Variants in NOPCHAP1 observed in about 807,000 individuals in gnomAD.
NOPCHAP1 encodes DNA damage-sensitive RNA 1.
A neutral mutation model predicts 14.0 loss-of-function variants in NOPCHAP1; 13 were observed. That is an observed-to-expected ratio of 0.93 (90% confidence interval 0.60 to 1.47). NOPCHAP1 has a LOEUF of 1.47. NOPCHAP1 is among the 40% of genes most tolerant of loss of function. The probability of loss-of-function intolerance (pLI) is 0.00; values close to 1 mark genes in which losing one functional copy is unlikely to be tolerated. For missense variants in NOPCHAP1, 230 were observed against 226.9 expected (o/e 1.01, Z -0.09); for synonymous variants, 78 against 78.4 (o/e 1.00, Z 0.03).
rs1300007553 is a variant in NOPCHAP1, at chr12:105,013,029, T to C, written c.*18333T>C. ...TTGAGCACTGTGCTGGGAGATCTGCTCTCTTCAGAGCTGGCAGGCAGGAAT... is the reference window on the plus strand; with the variant it reads ...TTGAGCACTGTGCTGGGAGATCTGCCCTCTTCAGAGCTGGCAGGCAGGAAT... On this transcript the variant is annotated 3_prime_UTR_variant, in exon 4 of 4. Transcript: ENST00000552951. 2 of 151,044 alleles carry C rather than the reference T, an allele frequency of 1.3e-5. No homozygotes were observed. The highest frequency in any genetic ancestry group is 2.9e-5 in the Non-Finnish European group (2 of 67,944). The allele number at this position is 151,044 out of a possible 1,614,324, so 9.4% of individuals were successfully genotyped here.
At position 105,015,114 on chromosome 12, in the gene NOPCHAP1, C is replaced by A. The variant is rs899793304; in HGVS notation, c.*20418C>A. ...TGATCTTTCTTATTGGAAATTGGAA[C>A]CAGCTCTCCTTGACTGTGACTCACT... On this transcript the variant is annotated 3_prime_UTR_variant, in exon 4 of 4. Coordinates refer to ENST00000552951, the MANE Select transcript of NOPCHAP1 (RefSeq NM_152318.3). 1 of 152,290 alleles carries A rather than the reference C, an allele frequency of 6.6e-6. No homozygotes were observed. The highest frequency in any genetic ancestry group is 2.1e-4 in the South Asian group (1 of 4,826). 9.4% of individuals were successfully genotyped at this position (152,290 alleles called of 1,614,324 possible).
chr12:104,988,989 C>T (rs182758079), intron 2 of NOPCHAP1, among the ~76,000 whole-genome samples: 43 of 150,908 alleles, frequency 2.8e-4, no homozygotes, highest in African/African-American at 7.1e-4. Context: ...AGTGGAATTG[C>T]GGGTATATAG....
intron 2 of NOPCHAP1, among the ~76,000 whole-genome samples, chr12:104,991,506 CAT>C (rs1349251364): frequency 3.3e-5 from 5 of 152,146 alleles, no homozygotes; most frequent in Non-Finnish European, 5.9e-5. Flanking sequence ...ATATGAGAAA[CAT>C]AAAACATTTG....
At position 104,996,700 on chromosome 12, in the gene NOPCHAP1, G is replaced by C. The variant is rs936045043; in HGVS notation, c.*2004G>C. On this transcript the variant is annotated 3_prime_UTR_variant, in exon 4 of 4. Coordinates refer to ENST00000552951, the MANE Select transcript of NOPCHAP1 (RefSeq NM_152318.3). ...CTTGATGATCTGCCTAATACTGTCAGTGGGGTGTTAAAGTCTCCCACTATT... is the reference window on the plus strand; with the variant it reads ...CTTGATGATCTGCCTAATACTGTCACTGGGGTGTTAAAGTCTCCCACTATT... The C allele has an allele frequency of 2.6e-5, 4 of 152,194 alleles. No individual in the cohort carries two copies. Among genetic ancestry groups the C allele is most frequent in the African/African-American group, 9.7e-5 (4 of 41,440 alleles). 9.4% of individuals were successfully genotyped at this position (152,194 alleles called of 1,614,324 possible).
intron 1 of NOPCHAP1, among the ~76,000 whole-genome samples, chr12:104,987,414 C>G (rs940103784): frequency 3.3e-5 from 5 of 152,208 alleles, no homozygotes; most frequent in Admixed American, 2.6e-4. Flanking sequence ...TTCAAGTAGT[C>G]TGGCTCCAGA....
rs768964807 is a variant in NOPCHAP1 at position 105,005,224 on chromosome 12, G to T, written c.*10528G>T. On this transcript the variant is annotated 3_prime_UTR_variant, in exon 4 of 4. Coordinates refer to ENST00000552951, the MANE Select transcript of NOPCHAP1 (RefSeq NM_152318.3). ...TGTTTGACAAAGAATTGGATAAAAC[G>T]TGCAAATCAATGAAAGGATGAAGCA... The T allele has an allele frequency of 6.6e-6, 1 of 152,202 alleles. No homozygotes were observed. The highest frequency in any genetic ancestry group is 6.5e-5 in the Admixed American group (1 of 15,278). The allele number at this position is 152,202 out of a possible 1,614,324, so 9.4% of individuals were successfully genotyped here. A position where few individuals can be genotyped will look rare whatever the true frequency, so the allele number is the denominator to read the frequency against.
Position 104,998,223 on chromosome 12 carries a change from C to A in NOPCHAP1, c.*3527C>A. The A allele has an allele frequency of 6.6e-6, 1 of 152,524 alleles. No homozygotes were observed. Among genetic ancestry groups the A allele is most frequent in the South Asian group, 2.0e-4 (1 of 4,946 alleles). The allele number at this position is 152,524 out of a possible 1,614,324, so 9.4% of individuals were successfully genotyped here. ...CAGCCATCTCAGCCTGGTTAAGAAC[C>A]ATTGCTGGGGAACTAGTGTAGTTTT... On this transcript the variant is annotated 3_prime_UTR_variant, in exon 4 of 4. Transcript: ENST00000552951.
chr12:104,986,518 C>A, intron 1 of NOPCHAP1, 51 bp downstream of exon 1: 3 of 1,468,974 alleles, frequency 2.0e-6, no homozygotes, highest in South Asian at 2.5e-5. Flanking sequence ...GCAGAGGAGG[C>A]GCGGCCGGTG....
chr12:104,986,677 C>T (rs559440419), intron 1 of NOPCHAP1, among the ~76,000 whole-genome samples: 1 of 152,254 alleles, frequency 6.6e-6, no homozygotes, highest in East Asian at 1.9e-4. Flanking sequence ...GGAATGGTTT[C>T]CCCAGCTAGT....
rs12369202 is a variant in NOPCHAP1, at chr12:105,016,852, C to T, written c.*22156C>T. 14,558 of 152,122 alleles carry T rather than the reference C, an allele frequency of 0.096. 788 individuals carry two copies. Among genetic ancestry groups the T allele is most frequent in the African/African-American group, 0.14 (5,602 of 41,476 alleles). 9.4% of individuals were successfully genotyped at this position (152,122 alleles called of 1,614,324 possible). A position where few individuals can be genotyped will look rare whatever the true frequency, so the allele number is the denominator to read the frequency against. On this transcript the variant is annotated 3_prime_UTR_variant, in exon 4 of 4. Coordinates refer to ENST00000552951, the MANE Select transcript of NOPCHAP1 (RefSeq NM_152318.3). Reference sequence around the variant, plus strand: ...AGTTGTTTTGTTTGTAAGCAGTTTGCCCTACAGTGTGTGGAAAGTGCATCA... The same window carrying T: ...AGTTGTTTTGTTTGTAAGCAGTTTGTCCTACAGTGTGTGGAAAGTGCATCA...
chr12:105,001,347 A>G lies in NOPCHAP1; in HGVS notation c.*6651A>G, dbSNP rs1480481367. 6.6e-6 allele frequency: 1 copy of G among 152,244 alleles called. No homozygotes were observed. Among genetic ancestry groups the G allele is most frequent in the Non-Finnish European group, 1.5e-5 (1 of 68,034 alleles). The allele number at this position is 152,244 out of a possible 1,614,324, so 9.4% of individuals were successfully genotyped here. ...GTGGCAATTGATGAAATCCATCTGTAAACATTCAAATGGTCCAGGAGGCAG... is the reference window on the plus strand; with the variant it reads ...GTGGCAATTGATGAAATCCATCTGTGAACATTCAAATGGTCCAGGAGGCAG... On this transcript the variant is annotated 3_prime_UTR_variant, in exon 4 of 4. Transcript: ENST00000552951.
At chr12:104,988,394 A>G (rs1873294582) in intron 2 of NOPCHAP1, 141 bp downstream of exon 2, 2 of 576,028 alleles carry the variant, frequency 3.5e-6, no homozygotes, top group Non-Finnish European at 6.1e-6. Context: ...TTTACATGAT[A>G]AAGTCAGTAC....
Position 105,012,353 on chromosome 12 carries a change from T to C in NOPCHAP1, c.*17657T>C, listed in dbSNP as rs933564975. 2 of 152,232 alleles carry C rather than the reference T, an allele frequency of 1.3e-5. No homozygotes were observed. Among genetic ancestry groups the C allele is most frequent in the Admixed American group, 1.3e-4 (2 of 15,282 alleles). 9.4% of individuals were successfully genotyped at this position (152,232 alleles called of 1,614,324 possible). ...AGCTCCATCAGGTCATTTATGTTCT[T>C]CTCTCAACTGGTTATTCTAGTTAGC... is the stretch of plus-strand genomic sequence containing the variant. On this transcript the variant is annotated 3_prime_UTR_variant, in exon 4 of 4. Coordinates refer to ENST00000552951, the MANE Select transcript of NOPCHAP1 (RefSeq NM_152318.3).
intron 3 of NOPCHAP1, among the ~76,000 whole-genome samples, chr12:104,992,790 T>A (rs1873409113): frequency 6.6e-6 from 1 of 152,192 alleles, no homozygotes; most frequent in African/African-American, 2.4e-5. Flanking sequence ...CAGGTTGTTG[T>A]GCGCTCTTTA....
At position 104,996,131 on chromosome 12, in the gene NOPCHAP1, A is replaced by C. The variant is rs972166664; in HGVS notation, c.*1435A>C. The stretch of plus-strand genomic sequence containing the variant: ...TGGAAGGCAGGATTGAACCATGCCA[A>C]ATAGCAAGATCCTAACCAGTGGGGA... On this transcript the variant is annotated 3_prime_UTR_variant, in exon 4 of 4. Coordinates refer to ENST00000552951, the MANE Select transcript of NOPCHAP1 (RefSeq NM_152318.3). 1 of 152,166 alleles carries C rather than the reference A, an allele frequency of 6.6e-6. No homozygotes were observed. Among genetic ancestry groups the C allele is most frequent in the African/African-American group, 2.4e-5 (1 of 41,438 alleles). The allele number at this position is 152,166 out of a possible 1,614,324, so 9.4% of individuals were successfully genotyped here. A position where few individuals can be genotyped will look rare whatever the true frequency, so the allele number is the denominator to read the frequency against.
chr12:105,005,052 G>C lies in NOPCHAP1; in HGVS notation c.*10356G>C, dbSNP rs923369139. 1 of 152,204 alleles carries C rather than the reference G, an allele frequency of 6.6e-6. No homozygotes were observed. Among genetic ancestry groups the C allele is most frequent in the Non-Finnish European group, 1.5e-5 (1 of 68,042 alleles). 9.4% of individuals were successfully genotyped at this position (152,204 alleles called of 1,614,324 possible). A position where few individuals can be genotyped will look rare whatever the true frequency, so the allele number is the denominator to read the frequency against. On this transcript the variant is annotated 3_prime_UTR_variant, in exon 4 of 4. Transcript: ENST00000552951. The stretch of plus-strand genomic sequence containing the variant: ...TTGTCTTCAGGTTGAGTAGGTTGAG[G>C]AGGAGGAAGCAGAGGGGTTGGCACA...
chr12:104,992,881 C>G (rs371860276), intron 3 of NOPCHAP1, among the ~76,000 whole-genome samples: 1 of 152,162 alleles, frequency 6.6e-6, no homozygotes, highest in African/African-American at 2.4e-5. Context: ...GAAGAATTTT[C>G]TTCCACAAAA....
rs1213146909 is a variant in NOPCHAP1 at position 104,991,780 on chromosome 12, G to A, written c.271G>A (p.Ala91Thr). 5 of 1,613,604 alleles carry A rather than the reference G, an allele frequency of 3.1e-6. No homozygotes were observed. The African/African-American group carries it at 6.7e-5, about 22-fold the overall frequency. ...RANEKLRKEM[A>T]AAPPGRFNIE... is the part of the protein sequence containing the mutation. ...AAATGAAAAGCTAAGAAAAGAAATG[G>A]CAGCTGCACCACCTGGTCGTTTCAA... is the stretch of plus-strand genomic sequence containing the variant. The change falls in exon 3 of 4, where the codon GCA becomes ACA. Residue 91 changes from alanine to threonine, a missense_variant. Physicochemically the swap from Ala to Thr is moderately conservative, Grantham distance 58. Coordinates refer to ENST00000552951, the MANE Select transcript of NOPCHAP1 (RefSeq NM_152318.3).
rs939730990 is a variant in NOPCHAP1 at position 105,003,989 on chromosome 12, A to C, written c.*9293A>C. ...TTTGTTTATTACTGAGGTAGATTGC[A>C]GTTTGTTATATAGGAACTACAAGTA... On this transcript the variant is annotated 3_prime_UTR_variant, in exon 4 of 4. Transcript: ENST00000552951. 5 of 152,198 alleles carry C rather than the reference A, an allele frequency of 3.3e-5. No homozygotes were observed. The highest frequency in any genetic ancestry group is 7.3e-5 in the Non-Finnish European group (5 of 68,036). The allele number at this position is 152,198 out of a possible 1,614,324, so 9.4% of individuals were successfully genotyped here. A position where few individuals can be genotyped will look rare whatever the true frequency, so the allele number is the denominator to read the frequency against.
Sources: allele counts gnomAD v4.1 joint callset (sites outside exome capture counted in the v4.1 genomes callset), GRCh38; gene constraint gnomAD v4.1.1; transcripts MANE v1.5; gene names NCBI Gene and HGNC (gene_info 2026-07-23, HGNC 2026-07-21).